The following CROCC2 variants were observed in gnomAD, a reference collection of about 807,000 sequenced individuals.
CROCC2 encodes the protein ciliary rootlet coiled-coil protein 2.
CROCC2 carries 163 observed loss-of-function variants against 177.6 expected under a neutral mutation model. The ratio of observed to expected loss-of-function variants is 0.92; its 90% confidence interval spans 0.81 to 1.05. The LOEUF is 1.05. Ranked by LOEUF, CROCC2 falls within the 50% of genes least tolerant of loss-of-function variation. The pLI is 0.00. For synonymous variants in CROCC2, 904 were observed against 787.3 expected (o/e 1.15, Z -2.48); for missense variants, 1,929 against 1,797.8 (o/e 1.07, Z -1.32).
rs1400638041 is a variant in CROCC2, at chr2:240,918,113, C to T, written c.79-613C>T. On this transcript the variant is annotated intron_variant, in intron 1 of 31. Coordinates refer to ENST00000690015, the MANE Select transcript of CROCC2 (RefSeq NM_001351305.2). The surrounding 1 kb of genome is among the most constrained non-coding windows in gnomAD (Gnocchi z 6.3). The stretch of plus-strand genomic sequence containing the variant: ...CTATTGGAGCCTCTTCCCTGGCAGT[C>T]GGCTTTCATGAAGGACCCACCTGGG... 3.3e-5 allele frequency among the ~76,000 whole-genome samples: 5 copies of T among 152,332 alleles called. No individual in the cohort carries two copies. Among genetic ancestry groups the T allele is most frequent in the South Asian group, 2.1e-4 (1 of 4,826 alleles).
rs891520670 is a variant in CROCC2 at position 240,989,773 on chromosome 2, G to A, written c.4803G>A (p.Thr1601=). The A allele has an allele frequency of 3.7e-5, 58 of 1,549,932 alleles. No homozygotes were observed. Among genetic ancestry groups the A allele is most frequent in the Admixed American group, 7.8e-5 (4 of 50,988 alleles). Residue 1601 remains threonine (T), a synonymous_variant, in exon 30 of 32, where the codon ACG becomes ACA. Transcript: ENST00000690015. The part of the protein sequence containing the change: ...ERLHGARPQA[T]QALESQEWTH... ...TCCATGGGGCCCGGCCGCAGGCCAC[G>A]CAGGCCCTGGAGTCCCAAGAATGGA... is the stretch of plus-strand genomic sequence containing the variant.
At position 240,965,405 on chromosome 2, in the gene CROCC2, C is replaced by A. The variant is rs957671764; in HGVS notation, c.3490C>A (p.Gln1164Lys). The part of the protein sequence containing the change: ...RQVRTLKAEN[Q>K]RRSGEAHELQ... ...GGTGAGGACACTGAAGGCCGAGAACCAGAGGAGGAGTGGAGAGGCCCATGA... is the reference window on the plus strand; with the variant it reads ...GGTGAGGACACTGAAGGCCGAGAACAAGAGGAGGAGTGGAGAGGCCCATGA... The change falls in exon 23 of 32, where the codon CAG (glutamine) becomes AAG (lysine). Residue 1164 changes from glutamine (Q) to lysine (K), a missense_variant. By Grantham distance (53) the Gln-to-Lys change is moderately conservative. Transcript: ENST00000690015. 6.5e-7 allele frequency: 1 copy of A among 1,549,650 alleles called. No homozygotes were observed. Among genetic ancestry groups the A allele is most frequent in the African/African-American group, 1.4e-5 (1 of 73,150 alleles).
chr2:240,973,655 GC>G lies in CROCC2; in HGVS notation c.4401+5396del, dbSNP rs1248710195. 6.6e-6 allele frequency among the ~76,000 whole-genome samples: 1 copy of G among 152,068 alleles called. No homozygotes were observed. Among genetic ancestry groups the G allele is most frequent in the Non-Finnish European group, 1.5e-5 (1 of 68,026 alleles). On this transcript the variant is annotated intron_variant, in intron 27 of 31. Coordinates refer to ENST00000690015, the MANE Select transcript of CROCC2 (RefSeq NM_001351305.2). The surrounding 1 kb of genome is among the most constrained non-coding windows in gnomAD (Gnocchi z 4.7). ...CTAAAAGTTTCCGGGGTCCACATAT[GC>G]CCACAGCTAGCAGAGCAGCTTAGGG... is the stretch of plus-strand genomic sequence containing the variant.
chr2:240,913,985 G>A (rs2106450323), intron 1 of CROCC2, among the ~76,000 whole-genome samples: 1 of 152,402 alleles, frequency 6.6e-6, no homozygotes, highest in African/African-American at 2.4e-5. Flanking sequence ...CCCGCCCAGG[G>A]ATGCTGGGAG....
chr2:240,916,707 C>T (rs1423278066), intron 1 of CROCC2, among the ~76,000 whole-genome samples: 1 of 152,202 alleles, frequency 6.6e-6, no homozygotes, highest in Non-Finnish European at 1.5e-5. Flanking sequence ...CGCGCTGCAG[C>T]CTTCCCGTTA....
rs2059890573 is a variant in CROCC2 at position 240,993,140 on chromosome 2, G to GT, written c.*60dup. The GT allele has an allele frequency of 5.6e-6, 4 of 711,572 alleles. No individual in the cohort carries two copies. Among genetic ancestry groups the GT allele is most frequent in the Non-Finnish European group, 1.0e-5 (4 of 381,640 alleles). 44.1% of individuals were successfully genotyped at this position (711,572 alleles called of 1,614,324 possible). On this transcript the variant is annotated 3_prime_UTR_variant, in exon 32 of 32. Transcript: ENST00000690015. Reference sequence around the variant, plus strand: ...TGCAGAGGAAGGGAACGCACCGCAGGTGGGAGGGGCCCAGCTGATTTCTCA... The same window carrying GT: ...TGCAGAGGAAGGGAACGCACCGCAGGTTGGGAGGGGCCCAGCTGATTTCTCA...
rs1559596248 is a variant in CROCC2 at position 240,934,315 on chromosome 2, T to C, written c.1647-16T>C. ...TCACCCTGAGCGACCTCCCGCCCTC[T>C]GGTCTGGGGCCTCAGTCAAGGCCGC... On this transcript the variant is annotated splice_polypyrimidine_tract_variant and intron_variant, in intron 11 of 31. Transcript: ENST00000690015. 1 of 1,547,698 alleles carries C rather than the reference T, an allele frequency of 6.5e-7. No individual in the cohort carries two copies. The highest frequency in any genetic ancestry group is 2.4e-5 in the East Asian group (1 of 40,894).
At position 240,959,131 on chromosome 2, in the gene CROCC2, C is replaced by T. The variant is rs57786897; in HGVS notation, c.2944-170C>T. The T allele has an allele frequency of 1.9e-3, 1,307 of 700,820 alleles. 12 individuals are homozygous for T. The African/African-American group carries it at 0.022, about 12-fold the overall frequency. The allele number at this position is 700,820 out of a possible 1,614,324, so 43.4% of individuals were successfully genotyped here. ...CTCCTCATCCCAGCAGCCTGTTTGACAGTTTAGGAAACCAAGGGCCAGTTA... is the reference window on the plus strand; with the variant it reads ...CTCCTCATCCCAGCAGCCTGTTTGATAGTTTAGGAAACCAAGGGCCAGTTA... On this transcript the variant is annotated intron_variant, in intron 19 of 31. Coordinates refer to ENST00000690015, the MANE Select transcript of CROCC2 (RefSeq NM_001351305.2).
chr2:240,983,965 G>A (rs10177890), intron 28 of CROCC2, among the ~76,000 whole-genome samples: 5,182 of 152,224 alleles, frequency 0.034, 299 homozygotes, highest in African/African-American at 0.12. Flanking sequence ...GGGCCAGCCT[G>A]TGCAGGTGCC....
intron 20 of CROCC2, among the ~76,000 whole-genome samples, chr2:240,962,637 CTT>C (rs1333064897): frequency 1.3e-5 from 2 of 152,206 alleles, no homozygotes; most frequent in East Asian, 3.9e-4. Flanking sequence ...AAGCCAGCGA[CTT>C]GACATCGCGG....
intron 28 of CROCC2, 88 bp from the exon 29 acceptor site, chr2:240,988,651 G>GGTGT: frequency 1.6e-6 from 2 of 1,260,608 alleles, no homozygotes; most frequent in South Asian, 6.1e-5. Flanking sequence ...GTCCTTCCCA[G>GGTGT]AGGCAACCCT....
In CROCC2 at chr2:240,953,022, C is replaced by G. The variant is rs974110039; in HGVS notation, c.2829+2512C>G. Among the ~76,000 whole-genome samples the G allele has an allele frequency of 6.6e-6, 1 of 152,166 alleles. No individual in the cohort carries two copies. Among genetic ancestry groups the G allele is most frequent in the African/African-American group, 2.4e-5 (1 of 41,430 alleles). On this transcript the variant is annotated intron_variant, in intron 18 of 31. Transcript: ENST00000690015. This position sits in a 1 kb window ranked among gnomAD's most constrained non-coding sequence, Gnocchi z 4.0. ...CCCCACGCAGCCCCTCATTCCCATC[C>G]GAGACCAACCACTGGGCAACGTGGC...
In CROCC2 at chr2:240,950,361, G is replaced by A. The variant is rs775849758; in HGVS notation, c.2680G>A (p.Glu894Lys). The change falls in exon 18 of 32, where the codon GAG becomes AAG. Residue 894 changes from glutamate (E) to lysine (K), a missense_variant. Physicochemically the swap from Glu to Lys is moderately conservative, Grantham distance 56. Transcript: ENST00000690015. Reference sequence around the variant, plus strand: ...GACCCTGAGCCTGACCCTGGCAGAGGAGAAGGAGGTAGCCAGATGCCAGCT... The same window carrying A: ...GACCCTGAGCCTGACCCTGGCAGAGAAGAAGGAGGTAGCCAGATGCCAGCT... ...KETLSLTLAE[E>K]KEVARCQLEQ... 2.6e-6 allele frequency: 4 copies of A among 1,550,196 alleles called. No homozygotes were observed. The highest frequency in any genetic ancestry group is 4.9e-5 in the East Asian group (2 of 40,922).
At chr2:240,938,971 C>T (rs547886604) in intron 14 of CROCC2, among the ~76,000 whole-genome samples, 1 of 152,164 alleles carries the variant, frequency 6.6e-6, no homozygotes, top group East Asian at 1.9e-4. Context: ...AATAGTTTTA[C>T]TTTTTTTCTG....
chr2:240,937,703 CA>C (rs1256753404), intron 14 of CROCC2, among the ~76,000 whole-genome samples: 1 of 152,184 alleles, frequency 6.6e-6, no homozygotes, highest in Non-Finnish European at 1.5e-5. Context: ...AGGGGTTCTC[CA>C]CGTGTGCTTC....
rs1375018010 is a variant in CROCC2, at chr2:240,964,521, C to T, written c.3361C>T (p.Gln1121Ter). ...GAAGCTGCTCATCCTGGAGGAGGCC[C>T]AGGCGGCGTTGCAGCAGGAGGCCAG... ...EQKLLILEEA[Q>*]AALQQEASAL... The change falls in exon 22 of 32, where the codon CAG becomes TAG. Residue 1121 changes from glutamine to a stop codon, truncating the protein, a stop_gained. Coordinates refer to ENST00000690015, the MANE Select transcript of CROCC2 (RefSeq NM_001351305.2). LOFTEE classifies it high-confidence loss of function. 1.3e-6 allele frequency: 2 copies of T among 1,549,308 alleles called. No homozygotes were observed. Among genetic ancestry groups the T allele is most frequent in the South Asian group, 1.2e-5 (1 of 83,996 alleles).
chr2:240,928,787 CA>C (rs1009663494), intron 5 of CROCC2, among the ~76,000 whole-genome samples: 1 of 151,782 alleles, frequency 6.6e-6, no homozygotes, highest in African/African-American at 2.4e-5. Context: ...GGCGTGCAGA[CA>C]GGGGTAACGG....
rs532060643 is a variant in CROCC2 at position 240,925,371 on chromosome 2, C to G, written c.489-353C>G. ...ACTCCCTCTCCGCGTCACCCCGCCC[C>G]GCGAAAGGCACCTCCCTCCCAGCCC... On this transcript the variant is annotated intron_variant, in intron 4 of 31. Coordinates refer to ENST00000690015, the MANE Select transcript of CROCC2 (RefSeq NM_001351305.2). Among the ~76,000 whole-genome samples the G allele has an allele frequency of 1.8e-4, 27 of 152,250 alleles. No homozygotes were observed. In the South Asian group the frequency reaches 3.9e-3, roughly 22 times the overall value.
chr2:240,965,261 C>T, intron 22 of CROCC2, 120 bp from the exon 23 acceptor site: 3 of 1,415,768 alleles, frequency 2.1e-6, no homozygotes, highest in Non-Finnish European at 2.9e-6. Context: ...TTAGCCCAAG[C>T]CTCCCTAAGT....
Sources: gnomAD v4.1 joint callset for allele counts (sites outside exome capture counted in the v4.1 genomes callset) on GRCh38, gnomAD v4.1.1 for gene constraint, Gnocchi (gnomAD v3.1) non-coding constraint, MANE v1.5 for transcripts, NCBI Gene and HGNC (gene_info 2026-07-23, HGNC 2026-07-21) for gene names.